Variants in RCAN2 observed in about 807,000 individuals in gnomAD.
The protein encoded by RCAN2 is regulator of calcineurin 2.
Under a neutral mutation model 23.6 loss-of-function variants are expected in RCAN2, and 9 were observed. The observed-to-expected ratio is 0.38, with a 90% CI of 0.23 to 0.67. The LOEUF (loss-of-function observed/expected upper bound fraction) is 0.67. Ranked by LOEUF, RCAN2 falls within the 30% of genes least tolerant of loss-of-function variation. RCAN2 has a pLI of 0.51. For synonymous variants in RCAN2, 109 were observed against 115.7 expected (o/e 0.94, Z 0.37); for missense variants, 273 against 302.3 (o/e 0.90, Z 0.72).
rs57335093 is a variant in RCAN2 at position 46,458,896 on chromosome 6, C to CGCGCGCGCGCGT, written c.-2-1919_-2-1918insACGCGCGCGCGC. On this transcript the variant is annotated intron_variant, in intron 1 of 4. Transcript: ENST00000371374. Reference sequence around the variant, plus strand: ...TAGTTTACAGGAAAACGCGCGCGCACGTGTGTGTGTGTGTGATGGAGTTTT... The same window carrying CGCGCGCGCGCGT: ...TAGTTTACAGGAAAACGCGCGCGCACGCGCGCGCGCGTGTGTGTGTGTGTGTGATGGAGTTTT... 1.6e-3 allele frequency among the ~76,000 whole-genome samples: 234 copies of CGCGCGCGCGCGT among 150,128 alleles called. 2 individuals are homozygous for CGCGCGCGCGCGT. The highest frequency in any genetic ancestry group is 5.5e-3 in the African/African-American group (221 of 40,398).
intron 2 of RCAN2, among the ~76,000 whole-genome samples, chr6:46,289,667 A>T (rs1762480864): frequency 1.3e-5 from 2 of 152,172 alleles, no homozygotes; most frequent in Admixed American, 6.5e-5. Context: ...ATTTAAGGGC[A>T]ATTTGCAAAT....
chr6:46,468,779 A>G, intron 1 of RCAN2: 12 of 982,306 alleles, frequency 1.2e-5, no homozygotes, highest in Non-Finnish European at 1.5e-5. Flanking sequence ...TCTCCGCTAG[A>G]TGTTCCAGAG....
chr6:46,363,870 C>T (rs775966660), intron 2 of RCAN2, among the ~76,000 whole-genome samples: 3 of 151,992 alleles, frequency 2.0e-5, no homozygotes, highest in Non-Finnish European at 4.4e-5. Flanking sequence ...ATGTTAAAGC[C>T]AGGTTAAAGG....
At chr6:46,373,492 A>C (rs1362984885) in intron 2 of RCAN2, among the ~76,000 whole-genome samples, 1 of 152,132 alleles carries the variant, frequency 6.6e-6, no homozygotes, top group Non-Finnish European at 1.5e-5. Context: ...CCTGGGCACA[A>C]GTGATCTGCC....
intron 2 of RCAN2, among the ~76,000 whole-genome samples, chr6:46,374,845 G>T (rs1765415439): frequency 6.6e-6 from 1 of 151,922 alleles, no homozygotes; most frequent in African/African-American, 2.4e-5. Context: ...AAACACCTTT[G>T]CTGGCAAAAG....
chr6:46,228,327 C>A (rs570601371), intron 4 of RCAN2, among the ~76,000 whole-genome samples: 2 of 152,112 alleles, frequency 1.3e-5, no homozygotes, highest in Non-Finnish European at 2.9e-5. Context: ...TCCTGGATAT[C>A]CTTGTTAACT....
At chr6:46,425,896 CTT>C (rs1049166361) in intron 2 of RCAN2, among the ~76,000 whole-genome samples, 7 of 126,662 alleles carry the variant, frequency 5.5e-5, no homozygotes, top group African/African-American at 5.9e-5. Flanking sequence ...TTCTTTCTTT[CTT>C]TTTTTTTTTT....
intron 2 of RCAN2, among the ~76,000 whole-genome samples, chr6:46,305,356 T>C (rs991650794): frequency 1.3e-5 from 2 of 152,082 alleles, no homozygotes; most frequent in Non-Finnish European, 2.9e-5. Context: ...ATCCAGCAGA[T>C]AGTCATCATA....
At chr6:46,287,140 T>A (rs768711768) in intron 2 of RCAN2, among the ~76,000 whole-genome samples, 1 of 152,190 alleles carries the variant, frequency 6.6e-6, no homozygotes, top group African/African-American at 2.4e-5. Flanking sequence ...GTCCTTCAGG[T>A]AGGCACAAAA....
chr6:46,340,937 G>A (rs1764300898), intron 2 of RCAN2, among the ~76,000 whole-genome samples: 1 of 152,154 alleles, frequency 6.6e-6, no homozygotes, highest in Non-Finnish European at 1.5e-5. Context: ...CAAATTAGCA[G>A]GTAGCCATAT....
rs182414088 is a variant in RCAN2 at position 46,266,833 on chromosome 6, A to G, written c.226-17937T>C. 3.3e-4 allele frequency among the ~76,000 whole-genome samples: 51 copies of G among 152,310 alleles called. No individual in the cohort carries two copies. The East Asian group carries it at 7.5e-3, about 22-fold the overall frequency. ...TTGAAAGTTGAAAGATGCAAAGCAC[A>G]GAGCAGGGGATGACATGCTCAAGGC... is the stretch of plus-strand genomic sequence containing the variant. On this transcript the variant is annotated intron_variant, in intron 2 of 4. Transcript: ENST00000371374.
At chr6:46,451,131 C>T (rs1561911219) in intron 2 of RCAN2, among the ~76,000 whole-genome samples, 1 of 151,954 alleles carries the variant, frequency 6.6e-6, no homozygotes, top group Non-Finnish European at 1.5e-5. Context: ...GAATTGCTCA[C>T]TTTATGGCGT....
At chr6:46,357,185 G>A (rs1209039104) in intron 2 of RCAN2, among the ~76,000 whole-genome samples, 1 of 152,154 alleles carries the variant, frequency 6.6e-6, no homozygotes, top group Non-Finnish European at 1.5e-5. Flanking sequence ...CCTCAGTTCT[G>A]TGCAAACCAG....
At chr6:46,355,159 A>G (rs1379639717) in intron 2 of RCAN2, among the ~76,000 whole-genome samples, 1 of 152,124 alleles carries the variant, frequency 6.6e-6, no homozygotes, top group East Asian at 1.9e-4. Flanking sequence ...TACCCCCCAA[A>G]TATGTATACT....
intron 2 of RCAN2, among the ~76,000 whole-genome samples, chr6:46,334,725 G>A (rs1764087199): frequency 6.6e-6 from 1 of 152,146 alleles, no homozygotes; most frequent in Non-Finnish European, 1.5e-5. Flanking sequence ...TTCCACCACT[G>A]CCCAGTTAGC....
chr6:46,425,654 A>G (rs1411393935), intron 2 of RCAN2, among the ~76,000 whole-genome samples: 2 of 152,160 alleles, frequency 1.3e-5, no homozygotes, highest in African/African-American at 4.8e-5. Flanking sequence ...ACAGTTTGGA[A>G]CTACATAAAA....
chr6:46,389,013 A>G (rs1422781614), intron 2 of RCAN2, among the ~76,000 whole-genome samples: 1 of 152,202 alleles, frequency 6.6e-6, no homozygotes. Context: ...ACATGTAAAT[A>G]AGTCAAAAGT....
At chr6:46,450,505 G>A (rs185826237) in intron 2 of RCAN2, among the ~76,000 whole-genome samples, 175 of 152,052 alleles carry the variant, frequency 1.2e-3, no homozygotes, top group African/African-American at 4.0e-3. Flanking sequence ...ATTATTCATC[G>A]CAGCATTATT....
chr6:46,472,677 A>G (rs951622793), intron 1 of RCAN2, among the ~76,000 whole-genome samples: 7 of 152,192 alleles, frequency 4.6e-5, no homozygotes, highest in Non-Finnish European at 1.0e-4. Flanking sequence ...CCTTGTTCAC[A>G]TTGTATCTCT....
Sources: allele counts gnomAD v4.1 joint callset (sites outside exome capture counted in the v4.1 genomes callset), GRCh38; gene constraint gnomAD v4.1.1; transcripts MANE v1.5; gene names NCBI Gene and HGNC (gene_info 2026-07-23, HGNC 2026-07-21).